Variants in ATG13 observed in about 807,000 individuals in gnomAD.
ATG13 encodes autophagy related 13, also known as autophagy-related protein 13.
A neutral mutation model predicts 65.5 loss-of-function variants in ATG13; 23 were observed. The ratio of observed to expected loss-of-function variants is 0.35; its 90% CI spans 0.25 to 0.50. The LOEUF (loss-of-function observed/expected upper bound fraction) is 0.50, where lower values mean the gene tolerates loss of function less well. Ranked by LOEUF, ATG13 falls within the 20% of genes least tolerant of loss-of-function variation. The pLI, the probability that ATG13 is intolerant of heterozygous loss-of-function variation, is 0.98. For synonymous variants in ATG13, 252 were observed against 245.2 expected (o/e 1.03, Z -0.26); for missense variants, 566 against 677.0 (o/e 0.84, Z 1.82).
At chr11:46,657,352 C>T (rs2060247126) in intron 9 of ATG13, 161 bp downstream of exon 9, 1 of 924,270 alleles carries the variant, frequency 1.1e-6, no homozygotes, top group Admixed American at 2.2e-5. Flanking sequence ...ATTTGAGTGT[C>T]CCAGAGCCAG....
intron 1 of ATG13, among the ~76,000 whole-genome samples, chr11:46,623,186 C>G (rs2048341065): frequency 6.6e-6 from 1 of 151,800 alleles, no homozygotes; most frequent in African/African-American, 2.4e-5. Context: ...CCCAGCTATT[C>G]TGGAGGCTGA....
intron 5 of ATG13, 74 bp from the exon 6 acceptor site, chr11:46,649,046 TATCTATACCTTTTAATA>T: frequency 8.9e-7 from 1 of 1,121,760 alleles, no homozygotes; most frequent in Non-Finnish European, 1.3e-6. Context: ...TTTTTTTGCT[TATCTATACCTTTTAATA>T]TTTTTATAGT....
In ATG13 at chr11:46,650,219, A is replaced by C; in HGVS notation, c.360A>C (p.Arg120Ser). ...EIKVSYTVYN[R>S]LSLLLKSLLA... Reference sequence around the variant, plus strand: ...AAGTTTCCTACACGGTGTACAACAGACTGTCATTGCTGCTGAAGTCCCTTC... The same window carrying C: ...AAGTTTCCTACACGGTGTACAACAGCCTGTCATTGCTGCTGAAGTCCCTTC... Residue 120 changes from arginine (R) to serine (S), a missense_variant, in exon 7 of 19, where the codon AGA becomes AGC. Coordinates refer to ENST00000683050, the MANE Select transcript of ATG13 (RefSeq NM_001346311.2). 1.9e-6 allele frequency: 3 copies of C among 1,614,134 alleles called. No individual in the cohort carries two copies. Among genetic ancestry groups the C allele is most frequent in the Non-Finnish European group, 1.7e-6 (2 of 1,180,028 alleles).
chr11:46,652,389 G>C (rs1305619661), intron 7 of ATG13, among the ~76,000 whole-genome samples: 1 of 152,224 alleles, frequency 6.6e-6, no homozygotes, highest in Non-Finnish European at 1.5e-5. Flanking sequence ...TTTTTATACT[G>C]TTGTTAGAAG....
chr11:46,641,633 T>C (rs1285511051), intron 2 of ATG13, among the ~76,000 whole-genome samples: 1 of 152,230 alleles, frequency 6.6e-6, no homozygotes, highest in Non-Finnish European at 1.5e-5. Flanking sequence ...TAATGGAACC[T>C]TCTAGAATAT....
rs1565620332 is a variant in ATG13 at position 46,667,760 on chromosome 11, C to A, written c.1137-13C>A. 8.2e-6 allele frequency: 13 copies of A among 1,582,512 alleles called. No homozygotes were observed. Among genetic ancestry groups the A allele is most frequent in the Non-Finnish European group, 1.1e-5 (13 of 1,153,812 alleles). ...GTTTGAGAACGAGTACTAACTTCAC[C>A]TTTCTCCTCCAGTGAGGATACTGAA... On this transcript the variant is annotated splice_polypyrimidine_tract_variant and intron_variant, in intron 14 of 18. Transcript: ENST00000683050.
At position 46,645,945 on chromosome 11, in the gene ATG13, G is replaced by T. The variant is rs1241861796; in HGVS notation, c.226G>T (p.Val76Phe). The change falls in exon 5 of 19, where the codon GTC becomes TTC. Residue 76 changes from valine (V) to phenylalanine (F), a missense_variant. Transcript: ENST00000683050. Reference sequence around the variant, plus strand: ...GGCACTGGCAGGACAGCTGCCTGCAGTCGGGAGGTCCATGTGTGTGGAGAT... The same window carrying T: ...GGCACTGGCAGGACAGCTGCCTGCATTCGGGAGGTCCATGTGTGTGGAGAT... ...KKALAGQLPAVGRSMCVEISL... is the reference protein window; with the variant it reads ...KKALAGQLPAFGRSMCVEISL... 1 of 1,614,238 alleles carries T rather than the reference G, an allele frequency of 6.2e-7. No individual in the cohort carries two copies. Among genetic ancestry groups the T allele is most frequent in the East Asian group, 2.2e-5 (1 of 44,888 alleles).
In ATG13 at chr11:46,624,239, A is replaced by T. The variant is rs561268272; in HGVS notation, c.-69-5806A>T. Reference sequence around the variant, plus strand: ...GGCTGGTCTCGAACTCTTGACCTCAAGTGTTTACACTCCTCAGCCTGCCAA... The same window carrying T: ...GGCTGGTCTCGAACTCTTGACCTCATGTGTTTACACTCCTCAGCCTGCCAA... On this transcript the variant is annotated intron_variant, in intron 1 of 18. Transcript: ENST00000683050. Among the ~76,000 whole-genome samples, 3 of 152,164 alleles carry T rather than the reference A, an allele frequency of 2.0e-5. No individual in the cohort carries two copies. The East Asian group carries it at 5.8e-4, about 29-fold the overall frequency.
intron 10 of ATG13, among the ~76,000 whole-genome samples, chr11:46,658,624 C>G (rs2060508632): frequency 6.6e-6 from 1 of 151,890 alleles, no homozygotes; most frequent in South Asian, 2.1e-4. Context: ...CAGCCTTCAC[C>G]TCTTGGGTTC....
At position 46,646,898 on chromosome 11, in the gene ATG13, T is replaced by C. The variant is rs557089614; in HGVS notation, c.270+909T>C. Among the ~76,000 whole-genome samples the C allele has an allele frequency of 7.2e-5, 11 of 152,224 alleles. No individual in the cohort carries two copies. In the South Asian group the frequency reaches 1.5e-3, roughly 20 times the overall value. On this transcript the variant is annotated intron_variant, in intron 5 of 18. Coordinates refer to ENST00000683050, the MANE Select transcript of ATG13 (RefSeq NM_001346311.2). ...CCTCAGCCTCCTGAGTAGCTGAGAC[T>C]ATAGGCATGCACCACCATGCCCAGC...
At chr11:46,638,980 A>G in intron 2 of ATG13, among the ~76,000 whole-genome samples, 1 of 149,318 alleles carries the variant, frequency 6.7e-6, no homozygotes, top group Non-Finnish European at 1.5e-5. Context: ...GCTGATTTTT[A>G]TTTATTTATT....
intron 8 of ATG13, 157 bp downstream of exon 8, chr11:46,656,430 C>T: frequency 1.5e-6 from 1 of 651,240 alleles, no homozygotes; most frequent in Non-Finnish European, 2.4e-6. Context: ...GTCCAGGTTA[C>T]CCCTGATCTG....
chr11:46,645,543 A>G (rs2057310334), intron 4 of ATG13, 124 bp downstream of exon 4: 2 of 838,130 alleles, frequency 2.4e-6, no homozygotes, highest in Non-Finnish European at 3.6e-6. Flanking sequence ...ATCTAATTCC[A>G]TTTGATCCAT....
chr11:46,665,449 G>C lies in ATG13; in HGVS notation c.1066G>C (p.Ala356Pro), dbSNP rs745943231. The part of the protein sequence containing the change: ...APNQPVHGTQ[A>P]DQERLATCTP... ...CAACCAGCCTGTCCATGGTACCCAGGCTGACCAGGAGAGACTGGCAACCTG... is the reference window on the plus strand; with the variant it reads ...CAACCAGCCTGTCCATGGTACCCAGCCTGACCAGGAGAGACTGGCAACCTG... The change falls in exon 14 of 19, where the codon GCT becomes CCT. Residue 356 changes from alanine (A) to proline (P), a missense_variant. Ala to Pro is a conservative substitution (Grantham distance 27). Coordinates refer to ENST00000683050, the MANE Select transcript of ATG13 (RefSeq NM_001346311.2). 1.2e-6 allele frequency: 2 copies of C among 1,614,206 alleles called. No homozygotes were observed. Among genetic ancestry groups the C allele is most frequent in the Non-Finnish European group, 1.7e-6 (2 of 1,180,038 alleles).
chr11:46,650,348 CTCA>C (rs996707744), intron 7 of ATG13, 31 bp downstream of exon 7: 3 of 1,596,660 alleles, frequency 1.9e-6, no homozygotes, highest in South Asian at 1.1e-5. Flanking sequence ...TCTTGATTCA[CTCA>C]TCAACCCCCT....
intron 8 of ATG13, among the ~76,000 whole-genome samples, chr11:46,656,572 T>A (rs2136688309): frequency 6.6e-6 from 1 of 152,352 alleles, no homozygotes; most frequent in East Asian, 1.9e-4. Flanking sequence ...ACAAGAATTT[T>A]GAAAAATTGG....
chr11:46,645,917 G>A lies in ATG13; in HGVS notation c.198G>A (p.Lys66=), dbSNP rs2057403333. Residue 66 remains lysine (K), a synonymous_variant, in exon 5 of 19, where the codon AAG becomes AAA. Coordinates refer to ENST00000683050, the MANE Select transcript of ATG13 (RefSeq NM_001346311.2). ...TCCCAGAGGTTACACATGAAGCAAA[G>A]AAGGCACTGGCAGGACAGCTGCCTG... ...KDIPEVTHEA[K]KALAGQLPAV... is the part of the protein sequence containing the mutation. The A allele has an allele frequency of 1.9e-6, 3 of 1,614,214 alleles. No homozygotes were observed. The highest frequency in any genetic ancestry group is 1.6e-4 in the Middle Eastern group (1 of 6,062).
intron 4 of ATG13, 152 bp downstream of exon 4, chr11:46,645,571 T>G: frequency 1.3e-6 from 1 of 798,362 alleles, no homozygotes. Flanking sequence ...AAAAGGTTGT[T>G]CTTATTGTAT....
chr11:46,635,160 C>T (rs886816926), intron 2 of ATG13, among the ~76,000 whole-genome samples: 31 of 151,684 alleles, frequency 2.0e-4, no homozygotes, highest in African/African-American at 7.3e-4. Flanking sequence ...GGCTGCGGCA[C>T]CACTCCTGGC....
Sources: allele counts gnomAD v4.1 joint callset (sites outside exome capture counted in the v4.1 genomes callset), GRCh38; gene constraint gnomAD v4.1.1; transcripts MANE v1.5; gene names NCBI Gene and HGNC (gene_info 2026-07-23, HGNC 2026-07-21).